Variants in SPATA13 observed in about 807,000 individuals in gnomAD.
SPATA13 encodes the protein spermatogenesis-associated protein 13.
A neutral mutation model predicts 104.0 loss-of-function variants in SPATA13; 50 were observed. That is an observed-to-expected ratio of 0.48 (90% CI 0.38 to 0.61). The LOEUF (loss-of-function observed/expected upper bound fraction) is 0.61. Among genes scored for constraint, SPATA13 ranks in the 20% least tolerant of loss-of-function variants. The probability of loss-of-function intolerance (pLI) is 0.00; values close to 1 mark genes in which losing one functional copy is unlikely to be tolerated. For synonymous variants in SPATA13, 606 were observed against 667.5 expected, an observed-to-expected ratio of 0.91 and a Z score of 1.42; for missense variants, 1,524 against 1,690.6, an observed-to-expected ratio of 0.90 and a Z score of 1.73.
At chr13:24,228,959 A>G (rs1370472356) in intron 2 of SPATA13, among the ~76,000 whole-genome samples, 3 of 152,242 alleles carry the variant, frequency 2.0e-5, no homozygotes, top group Admixed American at 6.5e-5. Context: ...TATTGCTGTG[A>G]AAAAGAGCTG....
At chr13:24,157,995 A>G (rs991476334), upstream of SPATA13, among the ~76,000 whole-genome samples, 4 of 152,222 alleles carry the variant, frequency 2.6e-5, no homozygotes, top group Non-Finnish European at 5.9e-5. Context: ...ACAACGTGGC[A>G]TAAGTGTCCA....
rs1309701296 is a variant in SPATA13, at chr13:24,289,003, A to G, written c.2672A>G (p.Tyr891Cys). The change falls in exon 8 of 13, where the codon TAT becomes TGT. Residue 891 changes from tyrosine (Y) to cysteine (C), a missense_variant. This residue lies in a region of SPATA13 where 435 missense variants were observed against 554.8 expected (regional missense o/e 0.78). Transcript: ENST00000382108. ...TATTACTTCTGTATTTTGCAGGGCTATATCCGACAGTGCCGCAAGCACACA... is the reference window on the plus strand; with the variant it reads ...TATTACTTCTGTATTTTGCAGGGCTGTATCCGACAGTGCCGCAAGCACACA... The part of the protein sequence containing the change: ...IKHLRDICEG[Y>C]IRQCRKHTGM... 1.2e-6 allele frequency: 2 copies of G among 1,606,650 alleles called. No individual in the cohort carries two copies. Among genetic ancestry groups the G allele is most frequent in the Admixed American group, 1.7e-5 (1 of 57,260 alleles).
chr13:24,127,596 C>G (rs1270221126), intron 3 of SPATA13, among the ~76,000 whole-genome samples: 1 of 152,218 alleles, frequency 6.6e-6, no homozygotes, highest in African/African-American at 2.4e-5. Context: ...ATGAGTCATT[C>G]AAGTTCAGTT....
At chr13:24,165,224 A>T (rs1882672923) in intron 1 of SPATA13, among the ~76,000 whole-genome samples, 1 of 152,064 alleles carries the variant, frequency 6.6e-6, no homozygotes, top group African/African-American at 2.4e-5. Flanking sequence ...TTGTGGAATC[A>T]CGAGAGCGCA....
chr13:24,122,819 G>C, intron 3 of SPATA13: 1 of 774,754 alleles, frequency 1.3e-6, no homozygotes, highest in Non-Finnish European at 2.4e-6. Context: ...ATGTCAAACT[G>C]TGCACTAAAG....
At chr13:24,194,522 T>A (rs1192811585) in intron 1 of SPATA13, among the ~76,000 whole-genome samples, 1 of 152,160 alleles carries the variant, frequency 6.6e-6, no homozygotes, top group East Asian at 1.9e-4. Flanking sequence ...ATGCTCTGAG[T>A]ACTTAACAAT....
chr13:24,201,277 T>C (rs1870388642), intron 1 of SPATA13, among the ~76,000 whole-genome samples: 1 of 152,168 alleles, frequency 6.6e-6, no homozygotes, highest in Non-Finnish European at 1.5e-5. Flanking sequence ...TTTTTTAAGA[T>C]AATAGTCTAT....
At chr13:24,111,045 C>G (rs1050675304) in intron 3 of SPATA13, among the ~76,000 whole-genome samples, 1 of 152,032 alleles carries the variant, frequency 6.6e-6, no homozygotes, top group Non-Finnish European at 1.5e-5. Context: ...GTAGCTGGGA[C>G]TACAGATACT....
intron 2 of SPATA13, among the ~76,000 whole-genome samples, chr13:23,994,918 G>A (rs756007089): frequency 4.6e-5 from 7 of 152,300 alleles, no homozygotes; most frequent in Non-Finnish European, 8.8e-5. Flanking sequence ...GTAAACAGGT[G>A]AATTGGTGTA....
At chr13:24,073,849 G>A (rs1350907003) in intron 3 of SPATA13, among the ~76,000 whole-genome samples, 1 of 152,210 alleles carries the variant, frequency 6.6e-6, no homozygotes, top group Non-Finnish European at 1.5e-5. Flanking sequence ...TATTCAGGAA[G>A]GCTGTGAACT....
At chr13:23,986,926 A>T (rs1006908944) in intron 2 of SPATA13, among the ~76,000 whole-genome samples, 1 of 152,020 alleles carries the variant, frequency 6.6e-6, no homozygotes, top group Non-Finnish European at 1.5e-5. Context: ...AGTGAAGCAC[A>T]ATCACCTACC....
chr13:24,008,473 G>T (rs567929900), intron 2 of SPATA13, among the ~76,000 whole-genome samples: 3 of 152,192 alleles, frequency 2.0e-5, no homozygotes, highest in Non-Finnish European at 4.4e-5. Context: ...AGAGGGCGGT[G>T]CCCCCAGCCC....
intron 3 of SPATA13, among the ~76,000 whole-genome samples, chr13:24,036,642 C>T (rs1877694123): frequency 6.6e-6 from 1 of 152,102 alleles, no homozygotes; most frequent in Non-Finnish European, 1.5e-5. Context: ...CTCCCTGCTC[C>T]TTCCTGCTTG....
At chr13:24,235,976 G>A (rs1264311229) in intron 2 of SPATA13, among the ~76,000 whole-genome samples, 1 of 152,180 alleles carries the variant, frequency 6.6e-6, no homozygotes, top group Non-Finnish European at 1.5e-5. Context: ...AGTTTTCACA[G>A]CCACTTGTGA....
intron 4 of SPATA13, among the ~76,000 whole-genome samples, chr13:24,267,133 G>T (rs1317541148): frequency 6.6e-6 from 1 of 152,118 alleles, no homozygotes; most frequent in African/African-American, 2.4e-5. Flanking sequence ...TATCTTAGAA[G>T]GGTGGCTGGC....
intron 4 of SPATA13, among the ~76,000 whole-genome samples, chr13:24,259,659 A>G (rs931631952): frequency 6.6e-6 from 1 of 152,348 alleles, no homozygotes; most frequent in Non-Finnish European, 1.5e-5. Context: ...GTAAAACCTC[A>G]TCAGCTCAAC....
chr13:24,276,679 A>G (rs1875006853), intron 4 of SPATA13, among the ~76,000 whole-genome samples: 1 of 152,244 alleles, frequency 6.6e-6, no homozygotes, highest in South Asian at 2.1e-4. Context: ...TTTAATTATT[A>G]TAATACATTC....
intron 3 of SPATA13, among the ~76,000 whole-genome samples, chr13:24,045,830 C>T (rs1175650599): frequency 1.3e-5 from 2 of 152,202 alleles, no homozygotes; most frequent in African/African-American, 2.4e-5. Flanking sequence ...TTCCTCACCT[C>T]CTCATGGTCA....
At chr13:24,014,487 T>A (rs1482925215) in intron 2 of SPATA13, among the ~76,000 whole-genome samples, 2 of 152,204 alleles carry the variant, frequency 1.3e-5, no homozygotes, top group Non-Finnish European at 2.9e-5. Flanking sequence ...GAACACATAT[T>A]TTGCATGTTA....
Sources: gnomAD v4.1 joint callset for allele counts (sites outside exome capture counted in the v4.1 genomes callset) on GRCh38, gnomAD v4.1.1 for gene constraint, gnomAD v4.1.1 regional missense constraint, MANE v1.5 for transcripts, NCBI Gene and HGNC (gene_info 2026-07-23, HGNC 2026-07-21) for gene names.